KIF21A: variants seen among roughly 807,000 people sequenced by gnomAD.
KIF21A encodes kinesin family member 21A, also known as kinesin-like protein KIF21A.
In KIF21A, 114 loss-of-function variants were observed where a neutral mutation model predicts 202.9. The observed-to-expected ratio is 0.56, with a 90% CI of 0.48 to 0.66. KIF21A has a LOEUF of 0.66. Among genes scored for constraint, KIF21A ranks in the 30% least tolerant of loss-of-function variants. KIF21A has a pLI of 0.00. For missense variants in KIF21A, 1,677 were observed against 1,994.9 expected (o/e 0.84, Z 3.04); for synonymous variants, 667 against 670.8 (o/e 0.99, Z 0.09).
Position 39,442,881 on chromosome 12 carries a change from C to G in KIF21A, c.44+46G>C. ...GCGCCACAGCCAGGTCCTTGCCGCG[C>G]CCTCAACCCGCCGCCCGCCGCCCGC... is the stretch of plus-strand genomic sequence containing the variant. On this transcript the variant is annotated intron_variant, in intron 1 of 37. Coordinates refer to ENST00000361418, the MANE Select transcript of KIF21A (RefSeq NM_001173464.2). The surrounding 1 kb of genome is among the most constrained non-coding windows in gnomAD (Gnocchi z 5.0). The G allele has an allele frequency of 6.6e-7, 1 of 1,522,372 alleles. No individual in the cohort carries two copies. The highest frequency in any genetic ancestry group is 8.8e-7 in the Non-Finnish European group (1 of 1,141,298). 94.3% of individuals were successfully genotyped at this position (1,522,372 alleles called of 1,614,324 possible). A position where few individuals can be genotyped will look rare whatever the true frequency, so the allele number is the denominator to read the frequency against.
chr12:39,326,485 T>C, intron 24 of KIF21A, 161 bp from the exon 25 acceptor site: 1 of 669,148 alleles, frequency 1.5e-6, no homozygotes, highest in South Asian at 1.6e-5. Context: ...AAAGTATTTC[T>C]AAAAACTCTC....
intron 1 of KIF21A, among the ~76,000 whole-genome samples, chr12:39,413,693 G>C (rs1317414455): frequency 6.6e-6 from 1 of 152,158 alleles, no homozygotes; most frequent in Non-Finnish European, 1.5e-5. Flanking sequence ...AAGATCGCTT[G>C]AACCCAGCAG....
chr12:39,325,086 T>G (rs1945717937), intron 26 of KIF21A, among the ~76,000 whole-genome samples: 1 of 152,184 alleles, frequency 6.6e-6, no homozygotes, highest in African/African-American at 2.4e-5. Context: ...TTTTAACACA[T>G]AATAATTACA....
chr12:39,381,371 G>A (rs1196059493), intron 1 of KIF21A, among the ~76,000 whole-genome samples: 1 of 150,810 alleles, frequency 6.6e-6, no homozygotes, highest in East Asian at 1.9e-4. Context: ...TATAATGATA[G>A]TAATACATCC....
At chr12:39,342,263 T>G in intron 12 of KIF21A, 139 bp from the exon 13 acceptor site, 1 of 684,242 alleles carries the variant, frequency 1.5e-6, no homozygotes, top group South Asian at 1.6e-5. Context: ...GCAAAGCTAT[T>G]CTATCTGATG....
intron 1 of KIF21A, among the ~76,000 whole-genome samples, chr12:39,391,194 T>C (rs1951321395): frequency 6.6e-6 from 1 of 152,214 alleles, no homozygotes; most frequent in Non-Finnish European, 1.5e-5. Flanking sequence ...GTTCCTGAGC[T>C]TAGATAGAGT....
chr12:39,416,486 C>T (rs370404756), intron 1 of KIF21A, among the ~76,000 whole-genome samples: 20 of 151,642 alleles, frequency 1.3e-4, no homozygotes, highest in African/African-American at 4.6e-4. Flanking sequence ...ATCCCAGCTA[C>T]TCAGGAGGCC....
chr12:39,384,453 C>T (rs747350423), intron 1 of KIF21A, among the ~76,000 whole-genome samples: 27 of 152,134 alleles, frequency 1.8e-4, no homozygotes, highest in Non-Finnish European at 2.4e-4. Flanking sequence ...CTTGTAGACC[C>T]GATTCTGGAT....
chr12:39,313,203 A>C (rs754394285), intron 31 of KIF21A, among the ~76,000 whole-genome samples: 1 of 151,906 alleles, frequency 6.6e-6, no homozygotes, highest in Non-Finnish European at 1.5e-5. Context: ...TGCTCTAAGA[A>C]ATCACAAAGA....
chr12:39,332,376 T>C lies in KIF21A; in HGVS notation c.2889A>G (p.Lys963=), dbSNP rs1161324213. ...QREELTKRRE[K]LSKRREKIVK... Reference sequence around the variant, plus strand: ...CTATCTTCTCCCTTCTTTTTGAAAGTTTCTCTCGTCTTTTTGTGAGTTCCT... The same window carrying C: ...CTATCTTCTCCCTTCTTTTTGAAAGCTTCTCTCGTCTTTTTGTGAGTTCCT... Residue 963 remains lysine (K), a synonymous_variant, in exon 21 of 38, where the codon AAA becomes AAG. Coordinates refer to ENST00000361418, the MANE Select transcript of KIF21A (RefSeq NM_001173464.2). The C allele has an allele frequency of 6.2e-7, 1 of 1,614,020 alleles. No homozygotes were observed. Among genetic ancestry groups the C allele is most frequent in the African/African-American group, 1.3e-5 (1 of 75,026 alleles).
intron 26 of KIF21A, among the ~76,000 whole-genome samples, chr12:39,325,275 GTGT>G (rs956641153): frequency 3.3e-5 from 5 of 151,460 alleles, no homozygotes; most frequent in African/African-American, 9.7e-5. Flanking sequence ...CTCCATAATT[GTGT>G]TATCTAGTGG....
At chr12:39,409,185 G>A (rs751936862) in intron 1 of KIF21A, among the ~76,000 whole-genome samples, 15 of 151,550 alleles carry the variant, frequency 9.9e-5, no homozygotes, top group Non-Finnish European at 1.6e-4. Context: ...CAAAACTAAC[G>A]AAAGACAAGC....
At chr12:39,303,245 T>C in intron 35 of KIF21A, 110 bp from the exon 36 acceptor site, 1 of 869,454 alleles carries the variant, frequency 1.2e-6, no homozygotes, top group Admixed American at 2.2e-5. Flanking sequence ...CATGACTTGT[T>C]TTGTTATCTA....
chr12:39,315,651 A>G (rs919411441), intron 30 of KIF21A, among the ~76,000 whole-genome samples: 16 of 152,158 alleles, frequency 1.1e-4, no homozygotes, highest in Admixed American at 7.9e-4. Flanking sequence ...TGACATCAAT[A>G]TTCATAAAAC....
chr12:39,383,990 G>A (rs1282550060), intron 1 of KIF21A, among the ~76,000 whole-genome samples: 1 of 152,046 alleles, frequency 6.6e-6, no homozygotes, highest in Non-Finnish European at 1.5e-5. Flanking sequence ...ATACATTTCA[G>A]GTGATGATGC....
rs543017486 is a variant in KIF21A, at chr12:39,430,423, G to A, written c.44+12504C>T. ...TCTACTAAAAATATAAAAATTAGCCGGGCTTGGTGGCAGGCACCTGTAATC... is the reference window on the plus strand; with the variant it reads ...TCTACTAAAAATATAAAAATTAGCCAGGCTTGGTGGCAGGCACCTGTAATC... On this transcript the variant is annotated intron_variant, in intron 1 of 37. Transcript: ENST00000361418. Among the ~76,000 whole-genome samples, 31 of 151,704 alleles carry A rather than the reference G, an allele frequency of 2.0e-4. 1 individual carries two copies. The highest frequency in any genetic ancestry group is 1.6e-3 in the Admixed American group (25 of 15,238).
chr12:39,428,482 TTGAG>T (rs1954932152), intron 1 of KIF21A, among the ~76,000 whole-genome samples: 1 of 152,352 alleles, frequency 6.6e-6, no homozygotes, highest in South Asian at 2.1e-4. Flanking sequence ...GACCCAATTA[TTGAG>T]TAAGATCCTT....
At chr12:39,386,682 A>G (rs1950966963) in intron 1 of KIF21A, among the ~76,000 whole-genome samples, 2 of 152,204 alleles carry the variant, frequency 1.3e-5, no homozygotes, top group Admixed American at 6.5e-5. Context: ...AAGTCCTTCA[A>G]GAGAAATAAC....
intron 28 of KIF21A, among the ~76,000 whole-genome samples, chr12:39,318,959 C>A (rs1944893417): frequency 6.8e-6 from 1 of 146,418 alleles, no homozygotes; most frequent in South Asian, 2.2e-4. Context: ...CCAGCCTGGG[C>A]AACAGAGCGA....
Sources: gnomAD v4.1 joint callset for allele counts (sites outside exome capture counted in the v4.1 genomes callset) on GRCh38, gnomAD v4.1.1 for gene constraint, Gnocchi (gnomAD v3.1) non-coding constraint, MANE v1.5 for transcripts, NCBI Gene and HGNC (gene_info 2026-07-23, HGNC 2026-07-21) for gene names.